Variants in DLG2 observed in about 807,000 individuals in gnomAD.
The protein encoded by DLG2 is disks large homolog 2.
Under a neutral mutation model 132.5 loss-of-function variants are expected in DLG2, and 45 were observed. The ratio of observed to expected loss-of-function variants is 0.34; its 90% CI spans 0.27 to 0.44. The LOEUF (loss-of-function observed/expected upper bound fraction) is 0.44. DLG2 is among the 20% of genes least tolerant of loss of function. The pLI, the probability that DLG2 is intolerant of heterozygous loss-of-function variation, is 1.00. For missense variants in DLG2, 1,045 were observed against 1,196.9 expected (o/e 0.87, Z 1.87); for synonymous variants, 424 against 419.6 (o/e 1.01, Z -0.13).
intron 18 of DLG2, chr11:83,725,078 A>C: frequency 1.8e-6 from 1 of 564,652 alleles, no homozygotes; most frequent in South Asian, 2.4e-5. Context: ...GATGCTTTGC[A>C]ACACAAACAA....
chr11:85,621,034 G>A (rs533710972), intron 2 of DLG2, among the ~76,000 whole-genome samples: 1 of 152,294 alleles, frequency 6.6e-6, no homozygotes, highest in South Asian at 2.1e-4. Flanking sequence ...AATGTAGCTG[G>A]TGACTTTACG....
intron 8 of DLG2, among the ~76,000 whole-genome samples, chr11:84,224,262 C>T (rs972570998): frequency 6.6e-6 from 1 of 152,198 alleles, no homozygotes; most frequent in African/African-American, 2.4e-5. Flanking sequence ...CAGTGAGAAG[C>T]TTAGCCAGCT....
At chr11:85,400,092 A>G (rs1190684396) in intron 3 of DLG2, among the ~76,000 whole-genome samples, 1 of 152,104 alleles carries the variant, frequency 6.6e-6, no homozygotes, top group Non-Finnish European at 1.5e-5. Context: ...CAAGAAAAAA[A>G]CAAACAACCC....
chr11:83,656,613 C>G (rs186374578), intron 18 of DLG2, among the ~76,000 whole-genome samples: 1 of 152,162 alleles, frequency 6.6e-6, no homozygotes, highest in Non-Finnish European at 1.5e-5. Flanking sequence ...TTTATTCTTA[C>G]CTTTCTTCAA....
intron 6 of DLG2, among the ~76,000 whole-genome samples, chr11:84,824,119 C>T (rs1443163896): frequency 1.3e-5 from 2 of 151,852 alleles, no homozygotes; most frequent in African/African-American, 4.8e-5. Context: ...TCACCAATAG[C>T]AAATCTAAAA....
chr11:85,455,228 A>T (rs189396733), intron 3 of DLG2, among the ~76,000 whole-genome samples: 29 of 152,218 alleles, frequency 1.9e-4, no homozygotes, highest in African/African-American at 7.0e-4. Flanking sequence ...GTCCTTGCAG[A>T]GATTTTACAC....
chr11:84,780,388 A>G (rs1375239335), intron 6 of DLG2, among the ~76,000 whole-genome samples: 1 of 152,132 alleles, frequency 6.6e-6, no homozygotes, highest in African/African-American at 2.4e-5. Context: ...TCAAAAAAAT[A>G]TAGGCCATAT....
intron 11 of DLG2, among the ~76,000 whole-genome samples, chr11:84,045,088 G>A (rs1025565037): frequency 6.6e-6 from 1 of 151,682 alleles, no homozygotes; most frequent in African/African-American, 2.4e-5. Context: ...CTCATAATCT[G>A]GAAAACAGTT....
At chr11:84,236,155 T>C (rs1382436462) in intron 8 of DLG2, among the ~76,000 whole-genome samples, 1 of 152,042 alleles carries the variant, frequency 6.6e-6, no homozygotes, top group Non-Finnish European at 1.5e-5. Context: ...CCCTTGGCCA[T>C]ACCAAAATAA....
At chr11:85,217,955 T>C (rs1398169094) in intron 4 of DLG2, among the ~76,000 whole-genome samples, 2 of 152,226 alleles carry the variant, frequency 1.3e-5, no homozygotes, top group African/African-American at 4.8e-5. Context: ...GATTAATGTC[T>C]GTACATTGTG....
At chr11:83,704,685 G>C (rs941214581) in intron 18 of DLG2, among the ~76,000 whole-genome samples, 1 of 151,396 alleles carries the variant, frequency 6.6e-6, no homozygotes, top group Non-Finnish European at 1.5e-5. Context: ...ATATTAGCTG[G>C]GCGTGGTGGC....
intron 16 of DLG2, among the ~76,000 whole-genome samples, chr11:83,871,941 A>G (rs534160797): frequency 5.3e-5 from 8 of 152,132 alleles, no homozygotes; most frequent in South Asian, 2.1e-4. Context: ...TTGACGGTCC[A>G]ATATGTACCT....
intron 17 of DLG2, among the ~76,000 whole-genome samples, chr11:83,794,753 A>AG (rs2042382029): frequency 6.6e-6 from 1 of 152,162 alleles, no homozygotes. Flanking sequence ...ACTCAAATTT[A>AG]TATGGTGGAA....
At chr11:84,955,270 T>C (rs962025602) in intron 6 of DLG2, 2 of 152,166 alleles carry the variant, frequency 1.3e-5, no homozygotes, top group African/African-American at 2.4e-5. Flanking sequence ...TTTTAAATAA[T>C]TGACACGTAA....
chr11:84,606,121 G>T (rs569969841), intron 6 of DLG2, among the ~76,000 whole-genome samples: 2 of 152,078 alleles, frequency 1.3e-5, no homozygotes, highest in South Asian at 2.1e-4. Flanking sequence ...ACTTCTAAAA[G>T]AAATAATTGA....
chr11:84,785,943 C>A (rs2072808300), intron 6 of DLG2, among the ~76,000 whole-genome samples: 1 of 151,880 alleles, frequency 6.6e-6, no homozygotes, highest in Non-Finnish European at 1.5e-5. Context: ...TAGAATAAGT[C>A]TTTTTCTTGA....
At chr11:84,736,735 C>G (rs1471466419) in intron 6 of DLG2, among the ~76,000 whole-genome samples, 1 of 151,746 alleles carries the variant, frequency 6.6e-6, no homozygotes, top group Non-Finnish European at 1.5e-5. Context: ...GTATATTGTC[C>G]TTTTATTCTG....
At chr11:83,665,136 A>G (rs1288454206) in intron 18 of DLG2, among the ~76,000 whole-genome samples, 1 of 152,224 alleles carries the variant, frequency 6.6e-6, no homozygotes. Flanking sequence ...TGCCTGTAAG[A>G]GATGACTGGT....
At chr11:83,981,812 G>A (rs866106595) in intron 11 of DLG2, among the ~76,000 whole-genome samples, 4 of 152,124 alleles carry the variant, frequency 2.6e-5, no homozygotes, top group East Asian at 1.9e-4. Context: ...TAAACATGGC[G>A]ATTGTCTCTT....
Sources: gnomAD v4.1 joint callset for allele counts (sites outside exome capture counted in the v4.1 genomes callset) on GRCh38, gnomAD v4.1.1 for gene constraint, MANE v1.5 for transcripts, NCBI Gene and HGNC (gene_info 2026-07-23, HGNC 2026-07-21) for gene names.